F8: variants seen among roughly 807,000 people sequenced by gnomAD.
F8 encodes antihemophilic factor.
A neutral mutation model predicts 140.6 loss-of-function variants in F8; 12 were observed. The observed-to-expected ratio is 0.09, with a 90% confidence interval of 0.05 to 0.14. F8 has a LOEUF of 0.14. Among genes scored for constraint, F8 ranks in the 10% least tolerant of loss-of-function variants. F8 has a pLI of 1.00. For missense variants in F8, 1,354 were observed against 1,720.7 expected (o/e 0.79, Z 3.77); for synonymous variants, 585 against 614.6 (o/e 0.95, Z 0.71).
chrX:154,958,454 A>AT (rs2073376450), intron 10 of F8, among the ~76,000 whole-genome samples: 1 of 111,732 alleles, frequency 8.9e-6, no homozygotes, highest in Non-Finnish European at 1.9e-5. Context: ...AGCCTTCAAA[A>AT]TTCTCCATGG....
At chrX:154,866,960 G>A (rs2072735961) in intron 22 of F8, among the ~76,000 whole-genome samples, 2 of 110,968 alleles carry the variant, frequency 1.8e-5, no homozygotes, top group African/African-American at 6.5e-5. Context: ...TCCTTATCTA[G>A]ACTACGAAAA....
intron 13 of F8, among the ~76,000 whole-genome samples, chrX:154,946,638 G>A (rs149942859): frequency 9.0e-6 from 1 of 111,634 alleles, no homozygotes; most frequent in African/African-American, 3.3e-5. Context: ...AAAACATTGG[G>A]GGAATGCGCC....
intron 22 of F8, among the ~76,000 whole-genome samples, chrX:154,879,501 C>T (rs1300830546): frequency 2.7e-5 from 3 of 112,509 alleles, no homozygotes; most frequent in Non-Finnish European, 5.6e-5. Context: ...CTGCCTTTCA[C>T]TTTCAGTGCA....
intron 22 of F8, among the ~76,000 whole-genome samples, chrX:154,864,567 C>T (rs189635311): frequency 9.0e-5 from 10 of 111,650 alleles, no homozygotes; most frequent in South Asian, 3.7e-4. Context: ...TACAGGAAGA[C>T]GACTAACAAA....
intron 1 of F8, among the ~76,000 whole-genome samples, chrX:155,019,457 C>G (rs2073749702): frequency 9.0e-6 from 1 of 110,982 alleles, no homozygotes; most frequent in Non-Finnish European, 1.9e-5. Flanking sequence ...GGTAAAATTA[C>G]TAGAATTAAT....
intron 22 of F8, among the ~76,000 whole-genome samples, chrX:154,880,316 A>T (rs1484533037): frequency 9.0e-6 from 1 of 111,341 alleles, no homozygotes; most frequent in East Asian, 2.8e-4. Context: ...GGGCACACTG[A>T]CCTTCCTTTT....
At chrX:155,005,729 C>T (rs1257984389) in intron 1 of F8, among the ~76,000 whole-genome samples, 1 of 112,144 alleles carries the variant, frequency 8.9e-6, no homozygotes, top group African/African-American at 3.2e-5. Flanking sequence ...GGTGTGCTGA[C>T]AGCTGACAAC....
chrX:154,904,050 C>A lies in F8; in HGVS notation c.5854G>T (p.Val1952Leu). ...CGAATCCTTTGATCCTGAGCCATTA[C>A]TAAGCCAGGTAGTGTATCCATTATG... is the stretch of plus-strand genomic sequence containing the variant. Reference protein sequence around the residue: ...GYIMDTLPGLVMAQDQRIRWY... With the variant: ...GYIMDTLPGLLMAQDQRIRWY... The change falls in exon 18 of 26, where the codon GTA (valine) becomes TTA (leucine). Residue 1952 changes from valine to leucine, a missense_variant. This residue lies in a region of F8 where 316 missense variants were observed against 485.4 expected (regional missense o/e 0.65). Coordinates refer to ENST00000360256, the MANE Select transcript of F8 (RefSeq NM_000132.4). 2.5e-6 allele frequency: 3 copies of A among 1,211,646 alleles called. No individual in the cohort carries two copies. Among genetic ancestry groups the A allele is most frequent in the Non-Finnish European group, 3.4e-6 (3 of 895,400 alleles).
At chrX:154,866,309 A>G (rs781946419) in intron 22 of F8, among the ~76,000 whole-genome samples, 1 of 111,918 alleles carries the variant, frequency 8.9e-6, no homozygotes, top group Admixed American at 9.5e-5. Flanking sequence ...TGACTTCAAT[A>G]CTCCACTCTC....
chrX:154,954,090 G>T lies in F8; in HGVS notation c.1753-48C>A, dbSNP rs781845883. Reference sequence around the variant, plus strand: ...GGGGTAAAGAAATGCTACTGATGTTGTCAGGTAGGAGCTAGCAGTCTATGA... The same window carrying T: ...GGGGTAAAGAAATGCTACTGATGTTTTCAGGTAGGAGCTAGCAGTCTATGA... On this transcript the variant is annotated intron_variant, in intron 11 of 25. Transcript: ENST00000360256. 29 of 1,148,088 alleles carry T rather than the reference G, an allele frequency of 2.5e-5. No homozygotes were observed. The South Asian group carries it at 4.7e-4, about 19-fold the overall frequency. 94.6% of individuals were successfully genotyped at this position (1,148,088 alleles called of 1,213,427 possible). A position where few individuals can be genotyped will look rare whatever the true frequency, so the allele number is the denominator to read the frequency against.
chrX:155,009,944 G>A (rs1366031499), intron 1 of F8, among the ~76,000 whole-genome samples: 3 of 110,640 alleles, frequency 2.7e-5, no homozygotes, highest in Non-Finnish European at 5.7e-5. Context: ...AAACAAAAAG[G>A]CCTAGGCCCT....
At chrX:154,872,276 A>T (rs1454662990) in intron 22 of F8, among the ~76,000 whole-genome samples, 1 of 112,030 alleles carries the variant, frequency 8.9e-6, no homozygotes, top group African/African-American at 3.2e-5. Context: ...ACTATTCACA[A>T]TAGCGAAGAC....
chrX:154,855,624 T>G (rs1266949177), intron 25 of F8, among the ~76,000 whole-genome samples: 1 of 111,321 alleles, frequency 9.0e-6, no homozygotes, highest in Non-Finnish European at 1.9e-5. Context: ...GTGAAAGTTT[T>G]CTCTCCAGCC....
rs782048121 is a variant in F8 at position 154,948,036 on chromosome X, A to G, written c.1904-129T>C. 390 of 565,003 alleles carry G rather than the reference A, an allele frequency of 6.9e-4. 2 individuals are homozygous for G. The highest frequency in any genetic ancestry group is 2.4e-3 in the Admixed American group (88 of 36,418). 46.6% of individuals were successfully genotyped at this position (565,003 alleles called of 1,213,427 possible). On this transcript the variant is annotated intron_variant, in intron 12 of 25. Transcript: ENST00000360256. ...TATCTTATTCCCAGGAAGAGATATTATATCTTCCAAAAAAGTAGATTGTTA... is the reference window on the plus strand; with the variant it reads ...TATCTTATTCCCAGGAAGAGATATTGTATCTTCCAAAAAAGTAGATTGTTA...
Position 154,902,091 on chromosome X carries a change from T to C in F8, c.6075A>G (p.Leu2025=). The C allele has an allele frequency of 8.3e-7, 1 of 1,210,950 alleles. No homozygotes were observed. Among genetic ancestry groups the C allele is most frequent in the East Asian group, 3.0e-5 (1 of 33,864 alleles). Residue 2025 remains leucine, a synonymous_variant, in exon 19 of 26, where the codon CTA becomes CTG. Transcript: ENST00000360256. Reference sequence around the variant, plus strand: ...GAAAAAGTGTGCTCATCCCAGCATGTAGATGCTCGCCAATAAGGCATTCCA... The same window carrying C: ...GAAAAAGTGTGCTCATCCCAGCATGCAGATGCTCGCCAATAAGGCATTCCA... ...WRVECLIGEH[L]HAGMSTLFLV...
At chrX:154,909,021 A>G (rs782162392) in intron 14 of F8, 100 of 215,847 alleles carry the variant, frequency 4.6e-4, no homozygotes, top group African/African-American at 2.7e-3. Context: ...TCAGGAAGCC[A>G]GCTGCTTCCG....
At chrX:154,924,232 A>C (rs1557277811) in intron 14 of F8, among the ~76,000 whole-genome samples, 1 of 112,171 alleles carries the variant, frequency 8.9e-6, no homozygotes, top group African/African-American at 3.2e-5. Context: ...AAGATACCCA[A>C]AAATGTGGAA....
chrX:154,994,838 A>C (rs1972378263), intron 3 of F8, among the ~76,000 whole-genome samples: 1 of 112,177 alleles, frequency 8.9e-6, no homozygotes, highest in Admixed American at 9.4e-5. Flanking sequence ...GTCAAATTCC[A>C]CATCAGGAAT....
intron 22 of F8, among the ~76,000 whole-genome samples, chrX:154,867,841 C>T (rs1415100972): frequency 9.0e-6 from 1 of 111,025 alleles, no homozygotes; most frequent in Non-Finnish European, 1.9e-5. Flanking sequence ...GATCATTCAT[C>T]ATGAACAAGT....
Sources: gnomAD v4.1 joint callset for allele counts (sites outside exome capture counted in the v4.1 genomes callset) on GRCh38, gnomAD v4.1.1 for gene constraint, gnomAD v4.1.1 regional missense constraint, MANE v1.5 for transcripts, NCBI Gene and HGNC (gene_info 2026-07-23, HGNC 2026-07-21) for gene names.